The following ABLIM1 variants were observed in gnomAD, a reference collection of about 807,000 sequenced individuals.
ABLIM1 encodes the protein actin-binding LIM protein 1.
A neutral mutation model predicts 107.0 loss-of-function variants in ABLIM1; 40 were observed. The observed-to-expected ratio is 0.37, with a 90% CI of 0.29 to 0.49. The LOEUF is 0.49. ABLIM1 is among the 20% of genes least tolerant of loss of function. ABLIM1 has a pLI of 0.97. For missense variants in ABLIM1, 857 were observed against 1,008.5 expected (o/e 0.85, Z 2.04); for synonymous variants, 357 against 357.3 (o/e 1.00, Z 0.01).
At chr10:114,680,174 C>T (rs981789186) in intron 1 of ABLIM1, among the ~76,000 whole-genome samples, 6 of 152,078 alleles carry the variant, frequency 3.9e-5, no homozygotes, top group Non-Finnish European at 5.9e-5. Flanking sequence ...AATTATATAA[C>T]CCATTCATTA....
At chr10:114,686,032 C>T (rs1164417107), upstream of ABLIM1, among the ~76,000 whole-genome samples, 1 of 152,132 alleles carries the variant, frequency 6.6e-6, no homozygotes, top group African/African-American at 2.4e-5. Context: ...TAAAAATAAC[C>T]TGCATTGCAT....
At chr10:114,744,484 A>T (rs965671119) in intron 1 of ABLIM1, among the ~76,000 whole-genome samples, 3 of 152,140 alleles carry the variant, frequency 2.0e-5, no homozygotes, top group Non-Finnish European at 4.4e-5. Context: ...ATTGCTATAA[A>T]AGTTTCTAAA....
At chr10:114,748,657 T>TTC (rs2082438460) in intron 1 of ABLIM1, among the ~76,000 whole-genome samples, 1 of 151,258 alleles carries the variant, frequency 6.6e-6, no homozygotes, top group Admixed American at 6.6e-5. Context: ...GTTTTTTTTT[T>TTC]TCTTTTTTTT....
intron 1 of ABLIM1, among the ~76,000 whole-genome samples, chr10:114,674,999 C>G (rs532833154): frequency 3.3e-5 from 5 of 152,224 alleles, no homozygotes; most frequent in African/African-American, 4.8e-5. Context: ...CCATGGCCAT[C>G]ATATAATGGT....
chr10:114,765,116 G>C (rs1489768993), intron 1 of ABLIM1: 1 of 151,620 alleles, frequency 6.6e-6, no homozygotes, highest in Non-Finnish European at 1.5e-5. Flanking sequence ...GCACAATCTC[G>C]GCTCACTGCA....
chr10:114,541,899 A>AACACAC (rs66907896), intron 6 of ABLIM1, among the ~76,000 whole-genome samples: 9 of 150,478 alleles, frequency 6.0e-5, no homozygotes, highest in East Asian at 3.9e-4. Flanking sequence ...GAAGGGAATC[A>AACACAC]ACACACACAC....
intron 2 of ABLIM1, among the ~76,000 whole-genome samples, chr10:114,585,793 T>C (rs1240812436): frequency 6.6e-6 from 1 of 152,026 alleles, no homozygotes; most frequent in Non-Finnish European, 1.5e-5. Context: ...CCTCCTCCAG[T>C]CCCCCAGGCC....
intron 1 of ABLIM1, among the ~76,000 whole-genome samples, chr10:114,700,230 T>A (rs1406029534): frequency 6.6e-6 from 1 of 152,180 alleles, no homozygotes; most frequent in Non-Finnish European, 1.5e-5. Context: ...TTGTAAAACC[T>A]CACTGAGAGA....
intron 1 of ABLIM1, among the ~76,000 whole-genome samples, chr10:114,732,744 A>G (rs1229822969): frequency 6.7e-6 from 1 of 148,972 alleles, no homozygotes; most frequent in Non-Finnish European, 1.5e-5. Flanking sequence ...TTATTTCTAG[A>G]AAAAAGGAAA....
chr10:114,540,453 G>C (rs548943000), intron 6 of ABLIM1, among the ~76,000 whole-genome samples: 1 of 152,128 alleles, frequency 6.6e-6, no homozygotes, highest in Admixed American at 6.5e-5. Context: ...GCTGGTGCTC[G>C]GGCCCGTCTC....
intron 6 of ABLIM1, among the ~76,000 whole-genome samples, chr10:114,516,790 G>A (rs2062890528): frequency 6.6e-6 from 1 of 152,166 alleles, no homozygotes; most frequent in African/African-American, 2.4e-5. Flanking sequence ...CTGCCATTCA[G>A]CTAAAACTCT....
intron 1 of ABLIM1, among the ~76,000 whole-genome samples, chr10:114,640,539 C>CCAA (rs147389561): frequency 0.2 from 29,985 of 151,142 alleles, 3,370 homozygotes; most frequent in East Asian, 0.53. Flanking sequence ...AACAAACAAA[C>CCAA]CAACAACAAC....
chr10:114,677,848 GT>G (rs1225784237), intron 1 of ABLIM1, among the ~76,000 whole-genome samples: 1 of 152,154 alleles, frequency 6.6e-6, no homozygotes, highest in Non-Finnish European at 1.5e-5. Flanking sequence ...GAGTAAACTG[GT>G]ATTAAAGATT....
intron 6 of ABLIM1, among the ~76,000 whole-genome samples, chr10:114,509,770 T>A (rs529737347): frequency 6.6e-6 from 1 of 152,302 alleles, no homozygotes; most frequent in East Asian, 1.9e-4. Flanking sequence ...CTCAAATATG[T>A]TAACCTGCCT....
At chr10:114,506,212 GTAGTATTCCATGGTGTA>G (rs778463923) in intron 6 of ABLIM1, among the ~76,000 whole-genome samples, 7 of 152,322 alleles carry the variant, frequency 4.6e-5, no homozygotes, top group South Asian at 2.1e-4. Context: ...TTTTGGCTGT[GTAGTATTCCATGGTGTA>G]TAGATACCAC....
At chr10:114,497,673 TTC>T (rs1459000793) in intron 6 of ABLIM1, among the ~76,000 whole-genome samples, 1 of 97,070 alleles carries the variant, frequency 1.0e-5, no homozygotes, top group African/African-American at 4.5e-5. Context: ...CAGAGCCGGA[TTC>T]TGTCTCAAAA....
rs539904536 is a variant in ABLIM1 at position 114,458,092 on chromosome 10, C to T, written c.1442-4609G>A. Reference sequence around the variant, plus strand: ...TGCCTCAAAACAAAAAACAAAACTACTCTGTGTGTGTGTGTGTGTGTGTGC... The same window carrying T: ...TGCCTCAAAACAAAAAACAAAACTATTCTGTGTGTGTGTGTGTGTGTGTGC... On this transcript the variant is annotated intron_variant, in intron 12 of 22. Transcript: ENST00000533213. Among the ~76,000 whole-genome samples the T allele has an allele frequency of 8.8e-5, 12 of 136,742 alleles. No homozygotes were observed. In the South Asian group the frequency reaches 2.7e-3, roughly 31 times the overall value. The allele number at this position is 136,742 out of a possible 152,430, so 89.7% of individuals were successfully genotyped here.
intron 14 of ABLIM1, chr10:114,450,063 C>G (rs1228599397): frequency 5.3e-6 from 2 of 377,268 alleles, no homozygotes; most frequent in Non-Finnish European, 1.1e-5. Flanking sequence ...TTTTTTAAAG[C>G]CTGTAAGTTG....
the ABLIM1 span, among the ~76,000 whole-genome samples, chr10:114,798,582 T>A: frequency 7.8e-4 from 104 of 134,030 alleles, no homozygotes; most frequent in African/African-American, 2.7e-3. Flanking sequence ...TACAAAAATT[T>A]AAAAAAAAAA....
Sources: gnomAD v4.1 joint callset for allele counts (sites outside exome capture counted in the v4.1 genomes callset) on GRCh38, gnomAD v4.1.1 for gene constraint, MANE v1.5 for transcripts, NCBI Gene and HGNC (gene_info 2026-07-23, HGNC 2026-07-21) for gene names.